Variants in DCPH1 observed in about 807,000 individuals in gnomAD.
DCPH1 encodes the protein damage control phosphatase 1.
chr6:151,458,377 G>T, the DCPH1 span: 1 of 1,613,316 alleles, frequency 6.2e-7, no homozygotes, highest in South Asian at 1.1e-5. Context: ...TCTAAATTAC[G>T]GAATGAATTG....
At chr6:151,466,336 G>A in the DCPH1 span, among the ~76,000 whole-genome samples, 1 of 151,350 alleles carries the variant, frequency 6.6e-6, no homozygotes, top group South Asian at 2.1e-4. Flanking sequence ...CTCCTAGCTA[G>A]CCCATTCTTT....
At chr6:151,469,546 A>G in the DCPH1 span, 1 of 154,064 alleles carries the variant, frequency 6.5e-6, no homozygotes, top group Non-Finnish European at 1.4e-5. Context: ...GGCACATGAA[A>G]TAATAGCTCT....
At chr6:151,453,122 A>G in the DCPH1 span, among the ~76,000 whole-genome samples, 3 of 152,380 alleles carry the variant, frequency 2.0e-5, no homozygotes, top group East Asian at 5.8e-4. Context: ...ATATTGCAAA[A>G]GACGAGAACA....
the DCPH1 span, among the ~76,000 whole-genome samples, chr6:151,467,261 A>C: frequency 1.3e-4 from 20 of 151,670 alleles, no homozygotes; most frequent in Admixed American, 7.9e-4. Flanking sequence ...AAAAAAAAAA[A>C]AACAAAACCC....
the DCPH1 span, among the ~76,000 whole-genome samples, chr6:151,455,390 A>G: frequency 6.6e-6 from 1 of 152,242 alleles, no homozygotes; most frequent in East Asian, 1.9e-4. Context: ...TTTATTGATC[A>G]TTCGTGGGTG....
chr6:151,464,623 A>G, the DCPH1 span: 4 of 1,589,244 alleles, frequency 2.5e-6, no homozygotes, highest in African/African-American at 4.0e-5. Context: ...CTGCAGGTAA[A>G]TGTGATCATT....
chr6:151,459,755 A>G, the DCPH1 span, among the ~76,000 whole-genome samples: 1 of 152,182 alleles, frequency 6.6e-6, no homozygotes, highest in African/African-American at 2.4e-5. Context: ...ACACCACCGC[A>G]CTCCAGCCTG....
At chr6:151,452,574 G>C in the DCPH1 span, 3 of 1,611,518 alleles carry the variant, frequency 1.9e-6, no homozygotes, top group Non-Finnish European at 2.5e-6. Context: ...TCTCTCTCAG[G>C]ACAGGACGTG....
At chr6:151,468,556 G>C in the DCPH1 span, 5 of 1,614,068 alleles carry the variant, frequency 3.1e-6, no homozygotes, top group East Asian at 1.1e-4. Context: ...TTCTGGATTT[G>C]AGCTTGTTAC....
chr6:151,467,849 A>C, the DCPH1 span, among the ~76,000 whole-genome samples: 1 of 152,178 alleles, frequency 6.6e-6, no homozygotes, highest in African/African-American at 2.4e-5. Context: ...CACTTTGTTC[A>C]GTTTTTTAAA....
chr6:151,469,517 T>G, the DCPH1 span: 1 of 155,494 alleles, frequency 6.4e-6, no homozygotes, highest in Admixed American at 6.5e-5. Flanking sequence ...AGCATGGGAT[T>G]TTATTTTGCT....
chr6:151,455,939 T>A, the DCPH1 span, among the ~76,000 whole-genome samples: 1 of 152,144 alleles, frequency 6.6e-6, no homozygotes, highest in African/African-American at 2.4e-5. Flanking sequence ...TGGTGATGAC[T>A]CTCAAGGAGT....
At chr6:151,468,671 AT>A in the DCPH1 span, 1 of 1,613,986 alleles carries the variant, frequency 6.2e-7, no homozygotes, top group Non-Finnish European at 8.5e-7. Flanking sequence ...ACTATACATG[AT>A]TTTAATTGGT....
chr6:151,457,516 ACTT>A, the DCPH1 span, among the ~76,000 whole-genome samples: 4 of 152,150 alleles, frequency 2.6e-5, no homozygotes, highest in Non-Finnish European at 1.5e-5. Flanking sequence ...GTCAGCTACA[ACTT>A]CTTTTCTTCT....
the DCPH1 span, among the ~76,000 whole-genome samples, chr6:151,455,673 G>A: frequency 1.3e-5 from 2 of 152,204 alleles, no homozygotes; most frequent in East Asian, 1.9e-4. Context: ...GCCCAGGGAC[G>A]GGCAGGAGAC....
the DCPH1 span, chr6:151,468,634 A>G: frequency 1.2e-6 from 2 of 1,613,988 alleles, no homozygotes; most frequent in Non-Finnish European, 8.5e-7. Flanking sequence ...TTATGGAAAA[A>G]CAATTCCATG....
chr6:151,461,653 A>G, the DCPH1 span, among the ~76,000 whole-genome samples: 4 of 152,188 alleles, frequency 2.6e-5, no homozygotes, highest in Non-Finnish European at 5.9e-5. Context: ...CCTGGGCGAC[A>G]AGAGCGAAAC....
the DCPH1 span, among the ~76,000 whole-genome samples, chr6:151,464,872 T>G: frequency 6.6e-5 from 10 of 152,222 alleles, no homozygotes; most frequent in East Asian, 1.9e-3. Flanking sequence ...GAATACTTCA[T>G]AGTAATTTGC....
chr6:151,456,029 A>T, the DCPH1 span, among the ~76,000 whole-genome samples: 1 of 152,228 alleles, frequency 6.6e-6, no homozygotes, highest in Non-Finnish European at 1.5e-5. Flanking sequence ...GACACAGCAC[A>T]TGTTTCAGAG....
Sources: allele counts gnomAD v4.1 joint callset (sites outside exome capture counted in the v4.1 genomes callset), GRCh38; gene constraint gnomAD v4.1.1; transcripts MANE v1.5; gene names NCBI Gene and HGNC (gene_info 2026-07-23, HGNC 2026-07-21).